Variants in POLI observed in about 807,000 individuals in gnomAD.
POLI encodes DNA polymerase iota.
In POLI, 58 loss-of-function variants were observed where a neutral mutation model predicts 51.6. That is an observed-to-expected ratio of 1.12 (90% confidence interval 0.91 to 1.40). The LOEUF (loss-of-function observed/expected upper bound fraction) is 1.40, where lower values mean the gene tolerates loss of function less well. Ranked by LOEUF, POLI falls within the 40% of genes most tolerant of loss-of-function variation. POLI has a pLI of 0.00. For missense variants in POLI, 921 were observed against 871.3 expected, an observed-to-expected ratio of 1.06 and a Z score of -0.72; for synonymous variants, 322 against 299.7, an observed-to-expected ratio of 1.07 and a Z score of -0.77.
chr18:54,301,276 TCA>T (rs35448677), downstream of POLI, among the ~76,000 whole-genome samples: 29 of 150,422 alleles, frequency 1.9e-4, no homozygotes, highest in East Asian at 1.2e-3. Flanking sequence ...GAAACTCCCA[TCA>T]CACACACACA....
chr18:54,284,647 A>G (rs2087665316), intron 7 of POLI: 1 of 152,274 alleles, frequency 6.6e-6, no homozygotes, highest in African/African-American at 2.4e-5. Flanking sequence ...GAACCCTTGT[A>G]TCTCTTTTGC....
downstream of POLI, among the ~76,000 whole-genome samples, chr18:54,302,865 A>G (rs2088516322): frequency 6.6e-6 from 1 of 152,184 alleles, no homozygotes; most frequent in Non-Finnish European, 1.5e-5. Flanking sequence ...AAGTGAGAAC[A>G]TGGAAAGTTT....
chr18:54,308,749 G>A (rs1446394759), intron 3 of POLI, among the ~76,000 whole-genome samples: 1 of 152,072 alleles, frequency 6.6e-6, no homozygotes, highest in African/African-American at 2.4e-5. Flanking sequence ...TTTTCACATA[G>A]TCCCATATTT....
At chr18:54,272,947 CTT>C (rs1326128410) in intron 2 of POLI, among the ~76,000 whole-genome samples, 1 of 151,940 alleles carries the variant, frequency 6.6e-6, no homozygotes, top group Admixed American at 6.6e-5. Flanking sequence ...TATGAAAAAA[CTT>C]TATATAAAAA....
chr18:54,286,534 C>CT (rs977335566), intron 7 of POLI, among the ~76,000 whole-genome samples: 6 of 151,440 alleles, frequency 4.0e-5, no homozygotes, highest in Admixed American at 1.3e-4. Context: ...AAAAAAAAAT[C>CT]TTTTTTTTGG....
rs2086906474 is a variant in POLI, at chr18:54,269,599, A to T, written c.53A>T (p.Glu18Val). 5 of 1,502,010 alleles carry T rather than the reference A, an allele frequency of 3.3e-6. No homozygotes were observed. The East Asian group carries it at 1.1e-4, about 34-fold the overall frequency. 93.0% of individuals were successfully genotyped at this position (1,502,010 alleles called of 1,614,324 possible). The part of the protein sequence containing the change: ...PEEEGGGDDD[E>V]EDAEAWAMEL... Reference sequence around the variant, plus strand: ...GAGGAAGGCGGCGGCGACGACGACGAGGAAGACGCCGAGGCCTGGGCCATG... The same window carrying T: ...GAGGAAGGCGGCGGCGACGACGACGTGGAAGACGCCGAGGCCTGGGCCATG... Residue 18 changes from glutamate (E) to valine (V), a missense_variant, in exon 1 of 10, where the codon GAG becomes GTG. By Grantham distance (121) the Glu-to-Val change is moderately radical. Coordinates refer to ENST00000579534, the MANE Select transcript of POLI (RefSeq NM_007195.3).
chr18:54,315,556 T>TG (rs2088723677), intron 3 of POLI, among the ~76,000 whole-genome samples: 1 of 152,162 alleles, frequency 6.6e-6, no homozygotes, highest in African/African-American at 2.4e-5. Flanking sequence ...ACACTGTCAG[T>TG]GGGGTGGTGA....
chr18:54,280,173 A>G (rs548349647), intron 4 of POLI, among the ~76,000 whole-genome samples: 79 of 152,184 alleles, frequency 5.2e-4, no homozygotes, highest in Non-Finnish European at 9.0e-4. Context: ...AGACTGGGTA[A>G]TTTATAAAGA....
Position 54,296,527 on chromosome 18 carries a change from C to G in POLI, c.*2060C>G. Reference sequence around the variant, plus strand: ...AGTATATACTGGCTTCTTCCTGTATCTTTTAATTCATGTTCTGTAAAATTC... The same window carrying G: ...AGTATATACTGGCTTCTTCCTGTATGTTTTAATTCATGTTCTGTAAAATTC... On this transcript the variant is annotated 3_prime_UTR_variant, in exon 10 of 10. Transcript: ENST00000579534. 1 of 220,114 alleles carries G rather than the reference C, an allele frequency of 4.5e-6. No homozygotes were observed. The highest frequency in any genetic ancestry group is 7.7e-6 in the Non-Finnish European group (1 of 130,322). 13.6% of individuals were successfully genotyped at this position (220,114 alleles called of 1,614,324 possible). A position where few individuals can be genotyped will look rare whatever the true frequency, so the allele number is the denominator to read the frequency against.
At position 54,283,032 on chromosome 18, in the gene POLI, A is replaced by G; in HGVS notation, c.975+17A>G. 2 of 1,500,112 alleles carry G rather than the reference A, an allele frequency of 1.3e-6. No homozygotes were observed. The highest frequency in any genetic ancestry group is 1.8e-6 in the Non-Finnish European group (2 of 1,089,938). The allele number at this position is 1,500,112 out of a possible 1,614,324, so 92.9% of individuals were successfully genotyped here. A position where few individuals can be genotyped will look rare whatever the true frequency, so the allele number is the denominator to read the frequency against. On this transcript the variant is annotated intron_variant, in intron 6 of 9. Transcript: ENST00000579534. ...CCACCTCAGGTACATGATGATACTTATTTTAATTAAGTACTGGTTATCACA... is the reference window on the plus strand; with the variant it reads ...CCACCTCAGGTACATGATGATACTTGTTTTAATTAAGTACTGGTTATCACA...
rs185387218 is a variant in POLI, at chr18:54,315,084, T to A, written c.334-5189T>A. ...TATTAATTTGAGATCTTTCTAACAT[T>A]GATGTAGGCATCTAGTGCTATAAAC... On this transcript the variant is annotated intron_variant, in intron 3 of 4. Coordinates refer to the POLI transcript ENST00000579823. Among the ~76,000 whole-genome samples the A allele has an allele frequency of 2.3e-3, 352 of 152,304 alleles. 1 individual carries two copies. Among genetic ancestry groups the A allele is most frequent in the Middle Eastern group, 6.8e-3 (2 of 294 alleles).
At chr18:54,304,841 C>G (rs1253976237) in intron 3 of POLI, among the ~76,000 whole-genome samples, 1 of 152,148 alleles carries the variant, frequency 6.6e-6, no homozygotes, top group African/African-American at 2.4e-5. Context: ...TTGCCCATGC[C>G]TATGTCCTGA....
At chr18:54,316,034 GC>G (rs2088730573) in intron 3 of POLI, among the ~76,000 whole-genome samples, 1 of 151,940 alleles carries the variant, frequency 6.6e-6, no homozygotes, top group Non-Finnish European at 1.5e-5. Context: ...TCCTGCCTCA[GC>G]CTCCTGAGTA....
At chr18:54,277,633 C>G (rs2087303579) in intron 3 of POLI, 70 bp from the exon 4 acceptor site, 5 of 907,252 alleles carry the variant, frequency 5.5e-6, no homozygotes, top group Non-Finnish European at 8.3e-6. Flanking sequence ...AATTTTTAAG[C>G]ACTAGATAGT....
intron 3 of POLI, among the ~76,000 whole-genome samples, chr18:54,316,107 A>T (rs1485431998): frequency 1.3e-5 from 2 of 151,950 alleles, no homozygotes; most frequent in African/African-American, 4.8e-5. Context: ...TAGAGACAGG[A>T]TTGCACTGTG....
Position 54,292,039 on chromosome 18 carries a change from G to A in POLI, c.1404+1G>A. On this transcript the variant is annotated splice_donor_variant, in intron 9 of 9. Coordinates refer to ENST00000579534, the MANE Select transcript of POLI (RefSeq NM_007195.3). LOFTEE classifies it high-confidence loss of function. ...TTCACGCTCTGGCAAGCACAGTTTTGTAAGTACACTCTTTTTTGTTCAGTT... is the reference window on the plus strand; with the variant it reads ...TTCACGCTCTGGCAAGCACAGTTTTATAAGTACACTCTTTTTTGTTCAGTT... The A allele has an allele frequency of 6.3e-7, 1 of 1,575,824 alleles. No individual in the cohort carries two copies. The highest frequency in any genetic ancestry group is 1.4e-5 in the African/African-American group (1 of 73,662).
At chr18:54,280,935 C>CCT in intron 5 of POLI, 32 bp downstream of exon 5, 1 of 1,112,224 alleles carries the variant, frequency 9.0e-7, no homozygotes, top group South Asian at 1.5e-5. Flanking sequence ...AGTACATATA[C>CCT]GTCTTATTTT....
intron 4 of POLI, among the ~76,000 whole-genome samples, chr18:54,280,125 C>G (rs1414648027): frequency 6.6e-6 from 1 of 152,172 alleles, no homozygotes; most frequent in African/African-American, 2.4e-5. Context: ...TGGCAGTGAT[C>G]TCTTAGTCCA....
Position 54,294,073 on chromosome 18 carries a change from G to T in POLI, c.1829G>T (p.Ser610Ile), listed in dbSNP as rs2088166271. ...CCGGGAACATCAGGCTTTAATAGCAGTAGTTCTTCTTACATGTCTAGCCAA... is the reference window on the plus strand; with the variant it reads ...CCGGGAACATCAGGCTTTAATAGCATTAGTTCTTCTTACATGTCTAGCCAA... The part of the protein sequence containing the change: ...CEPGTSGFNS[S>I]SSSYMSSQKD... The change falls in exon 10 of 10, where the codon AGT becomes ATT. Residue 610 changes from serine (S) to isoleucine (I), a missense_variant. Physicochemically the swap from Ser to Ile is moderately radical, Grantham distance 142. Transcript: ENST00000579534. 4 of 1,611,504 alleles carry T rather than the reference G, an allele frequency of 2.5e-6. No homozygotes were observed. The highest frequency in any genetic ancestry group is 3.4e-6 in the Non-Finnish European group (4 of 1,177,744).
Sources: gnomAD v4.1 joint callset for allele counts (sites outside exome capture counted in the v4.1 genomes callset) on GRCh38, gnomAD v4.1.1 for gene constraint, MANE v1.5 for transcripts, NCBI Gene and HGNC (gene_info 2026-07-23, HGNC 2026-07-21) for gene names.